ADK: variants seen among roughly 807,000 people sequenced by gnomAD.
The protein encoded by ADK is N6,N6-dimethyladenosine kinase.
In ADK, 24 loss-of-function variants were observed where a neutral mutation model predicts 44.7. That is an observed-to-expected ratio of 0.54 (90% CI 0.39 to 0.76). The LOEUF is 0.76. Ranked by LOEUF, ADK falls within the 30% of genes least tolerant of loss-of-function variation. The pLI is 0.00. For missense variants in ADK, 321 were observed against 425.1 expected (o/e 0.76, Z 2.15); for synonymous variants, 128 against 142.6 (o/e 0.90, Z 0.73).
intron 3 of ADK, among the ~76,000 whole-genome samples, chr10:74,233,685 C>T (rs1844861653): frequency 1.3e-5 from 2 of 152,178 alleles, no homozygotes; most frequent in South Asian, 4.1e-4. Flanking sequence ...CCTCCGATAT[C>T]ATTTTGGGTT....
At chr10:74,698,003 A>G (rs561687693) in intron 10 of ADK, among the ~76,000 whole-genome samples, 66 of 152,332 alleles carry the variant, frequency 4.3e-4, no homozygotes, top group South Asian at 8.3e-4. Flanking sequence ...ATCAACCAGA[A>G]GATAATAGGC....
At chr10:74,187,656 TTTCTG>T (rs1842806109) in intron 1 of ADK, among the ~76,000 whole-genome samples, 1 of 152,198 alleles carries the variant, frequency 6.6e-6, no homozygotes, top group Non-Finnish European at 1.5e-5. Flanking sequence ...GGTATTACCT[TTTCTG>T]TTCTAAGAAG....
At position 74,345,647 on chromosome 10, in the gene ADK, G is replaced by A. The variant is rs1470348875; in HGVS notation, c.273+30902G>A. The stretch of plus-strand genomic sequence containing the variant: ...TTCCACCCGTACTTTCAATCTGTTA[G>A]TAACTTTCTATCTACAGTGTGTCTC... On this transcript the variant is annotated intron_variant, in intron 4 of 10. Transcript: ENST00000539909. 2.0e-5 allele frequency among the ~76,000 whole-genome samples: 3 copies of A among 152,070 alleles called. No homozygotes were observed. In the East Asian group the frequency reaches 5.8e-4, roughly 29 times the overall value.
intron 7 of ADK, among the ~76,000 whole-genome samples, chr10:74,571,036 T>C (rs542195485): frequency 0.012 from 1,892 of 152,310 alleles, 43 homozygotes; most frequent in African/African-American, 0.042. Context: ...TCTGCATCTA[T>C]TGAGATAATC....
rs528846010 is a variant in ADK at position 74,161,059 on chromosome 10, G to A, written c.65+9716G>A. Among the ~76,000 whole-genome samples, 293 of 152,114 alleles carry A rather than the reference G, an allele frequency of 1.9e-3. 15 individuals are homozygous for A. The highest frequency in any genetic ancestry group is 8.7e-4 in the Non-Finnish European group (59 of 68,004). On this transcript the variant is annotated intron_variant, in intron 1 of 10. Coordinates refer to ENST00000539909, the MANE Select transcript of ADK (RefSeq NM_006721.4). ...TGACTGTTTGTACTTTATACTTTGC[G>A]TTATTGCAATGTACAGTATGTGCAT... is the stretch of plus-strand genomic sequence containing the variant.
chr10:74,433,987 A>C (rs1385047857), intron 6 of ADK, among the ~76,000 whole-genome samples: 27 of 152,174 alleles, frequency 1.8e-4, no homozygotes, highest in Non-Finnish European at 2.9e-5. Context: ...GTAGGAAAGG[A>C]TGCAAAAGCC....
intron 8 of ADK, 67 bp from the exon 9 acceptor site, chr10:74,600,312 A>T: frequency 1.0e-6 from 1 of 953,144 alleles, no homozygotes; most frequent in Non-Finnish European, 1.6e-6. Flanking sequence ...CTAAATTGTT[A>T]ATCTACTAAT....
intron 7 of ADK, among the ~76,000 whole-genome samples, chr10:74,546,621 A>G (rs1344265693): frequency 6.6e-6 from 1 of 152,176 alleles, no homozygotes; most frequent in Non-Finnish European, 1.5e-5. Context: ...AAAATTACTT[A>G]TAAGTCTCTT....
intron 2 of ADK, among the ~76,000 whole-genome samples, chr10:74,216,755 C>T (rs1314155562): frequency 1.3e-5 from 2 of 151,186 alleles, no homozygotes; most frequent in Admixed American, 6.6e-5. Context: ...AAAAGTTTCA[C>T]AGACAAAATA....
intron 1 of ADK, among the ~76,000 whole-genome samples, chr10:74,186,208 TTCCCTTCCTTTCCCTTCCCC>T (rs1307998930): frequency 1.6e-4 from 21 of 131,362 alleles, no homozygotes; most frequent in African/African-American, 2.5e-4. Flanking sequence ...TTCCCTTCCC[TTCCCTTCCTTTCCCTTCCCC>T]TCCTTTCCCT....
chr10:74,423,596 A>C (rs563771530), intron 6 of ADK: 8 of 285,388 alleles, frequency 2.8e-5, no homozygotes, highest in Non-Finnish European at 5.6e-5. Flanking sequence ...TGATGTCTCC[A>C]TAGTCAACTG....
chr10:74,493,374 T>C (rs1847557055), intron 6 of ADK, among the ~76,000 whole-genome samples: 1 of 150,986 alleles, frequency 6.6e-6, no homozygotes, highest in Non-Finnish European at 1.5e-5. Context: ...TGTATATACA[T>C]ATATATGTAT....
At chr10:74,315,899 A>T (rs1840601201) in intron 4 of ADK, among the ~76,000 whole-genome samples, 1 of 152,118 alleles carries the variant, frequency 6.6e-6, no homozygotes, top group South Asian at 2.1e-4. Context: ...GTTTTTGGTA[A>T]AACATCCTGG....
intron 1 of ADK, among the ~76,000 whole-genome samples, chr10:74,171,798 C>CT (rs1215858957): frequency 5.6e-5 from 8 of 142,344 alleles, no homozygotes; most frequent in African/African-American, 2.3e-4. Flanking sequence ...CTTTCTGTCT[C>CT]TCTCTGTCTC....
chr10:74,694,952 C>A lies in ADK; in HGVS notation c.965-13369C>A, dbSNP rs1856120547. On this transcript the variant is annotated intron_variant, in intron 10 of 10. Transcript: ENST00000539909. Reference sequence around the variant, plus strand: ...TTAACTCATTGATAGACCTGGAATTCTTTTTTTTTTTAATATAGAGTGAGG... The same window carrying A: ...TTAACTCATTGATAGACCTGGAATTATTTTTTTTTTTAATATAGAGTGAGG... 2.8e-5 allele frequency among the ~76,000 whole-genome samples: 4 copies of A among 144,880 alleles called. 1 individual carries two copies. In the South Asian group the frequency reaches 8.6e-4, roughly 31 times the overall value.
intron 9 of ADK, among the ~76,000 whole-genome samples, chr10:74,631,811 A>T (rs1332047079): frequency 6.6e-6 from 1 of 152,142 alleles, no homozygotes; most frequent in Admixed American, 6.5e-5. Flanking sequence ...ATTCACAAAG[A>T]TAGAGTAAAA....
At chr10:74,222,323 A>G (rs1210892970) in intron 2 of ADK, among the ~76,000 whole-genome samples, 30 of 152,250 alleles carry the variant, frequency 2.0e-4, no homozygotes, top group Admixed American at 2.0e-3. Context: ...ATCATCTCAC[A>G]CCAGTTAGAA....
At chr10:74,266,725 A>T (rs1048613406) in intron 3 of ADK, among the ~76,000 whole-genome samples, 1 of 152,232 alleles carries the variant, frequency 6.6e-6, no homozygotes, top group Non-Finnish European at 1.5e-5. Context: ...TGTCCACCAA[A>T]TAAACTGTGT....
Position 74,258,947 on chromosome 10 carries a change from G to GTT in ADK, c.194+34377_194+34378dup, listed in dbSNP as rs141424052. ...TTTTGTTGTTGTTGTTTGTTTTTGT[G>GTT]TTTTTTTTTTTTTTTTTTTTTTGAG... is the stretch of plus-strand genomic sequence containing the variant. On this transcript the variant is annotated intron_variant, in intron 3 of 10. Transcript: ENST00000539909. Among the ~76,000 whole-genome samples the GTT allele has an allele frequency of 7.4e-3, 713 of 96,100 alleles. 1 individual carries two copies. The highest frequency in any genetic ancestry group is 0.027 in the East Asian group (98 of 3,652). The allele number at this position is 96,100 out of a possible 152,430, so 63.0% of individuals were successfully genotyped here.
Sources: allele counts gnomAD v4.1 joint callset (sites outside exome capture counted in the v4.1 genomes callset), GRCh38; gene constraint gnomAD v4.1.1; transcripts MANE v1.5; gene names NCBI Gene and HGNC (gene_info 2026-07-23, HGNC 2026-07-21).